The following RNF180 variants were observed in gnomAD, a reference collection of about 807,000 sequenced individuals.
RNF180 encodes the protein E3 ubiquitin-protein ligase RNF180.
Under a neutral mutation model 59.2 loss-of-function variants are expected in RNF180, and 38 were observed. That is an observed-to-expected ratio of 0.64 (90% confidence interval 0.50 to 0.84). RNF180 has a LOEUF of 0.84. Ranked by LOEUF, RNF180 falls within the 40% of genes least tolerant of loss-of-function variation. The pLI, the probability that RNF180 is intolerant of heterozygous loss-of-function variation, is 0.00. For missense variants in RNF180, 705 were observed against 700.9 expected, an observed-to-expected ratio of 1.01 and a Z score of -0.07; for synonymous variants, 262 against 240.3, an observed-to-expected ratio of 1.09 and a Z score of -0.84.
intron 2 of RNF180, among the ~76,000 whole-genome samples, chr5:64,211,674 C>T (rs1414620596): frequency 6.6e-5 from 10 of 152,142 alleles, no homozygotes. Context: ...AATAGAGCAA[C>T]TTTATTCTGT....
intron 1 of RNF180, among the ~76,000 whole-genome samples, chr5:64,187,268 A>G (rs1222700371): frequency 2.0e-5 from 3 of 152,204 alleles, no homozygotes; most frequent in Admixed American, 2.0e-4. Flanking sequence ...TACTGGTAGC[A>G]AGTACAATGA....
chr5:64,204,495 G>A (rs1028054737), intron 2 of RNF180, among the ~76,000 whole-genome samples: 1 of 152,068 alleles, frequency 6.6e-6, no homozygotes, highest in African/African-American at 2.4e-5. Context: ...TGTGTTTTCT[G>A]CAAAATGTCT....
At chr5:64,296,550 C>T (rs1742890696) in intron 5 of RNF180, among the ~76,000 whole-genome samples, 1 of 151,846 alleles carries the variant, frequency 6.6e-6, no homozygotes, top group African/African-American at 2.4e-5. Context: ...AAACTATGTG[C>T]ATTTTTCTAG....
rs184239597 is a variant in RNF180, at chr5:64,372,184, T to C, written c.*2370T>C. On this transcript the variant is annotated 3_prime_UTR_variant, in exon 8 of 8. Transcript: ENST00000389100. ...TAATTTTAAACATGTTCACACATTC[T>C]TTTTTAAAAAAATGCCCTAATTGAG... 5.7e-4 allele frequency: 87 copies of C among 151,772 alleles called. No homozygotes were observed. The highest frequency in any genetic ancestry group is 2.0e-3 in the African/African-American group (83 of 41,416). The allele number at this position is 151,772 out of a possible 1,614,324, so 9.4% of individuals were successfully genotyped here.
upstream of RNF180, among the ~76,000 whole-genome samples, chr5:64,165,516 G>A (rs1749574764): frequency 6.6e-6 from 1 of 152,244 alleles, no homozygotes; most frequent in Non-Finnish European, 1.5e-5. Flanking sequence ...CCAGTAGTTG[G>A]CTTGGATCTC....
chr5:64,303,313 G>A (rs1743255181), intron 5 of RNF180, among the ~76,000 whole-genome samples: 1 of 151,598 alleles, frequency 6.6e-6, no homozygotes, highest in African/African-American at 2.4e-5. Context: ...AAGTGTTCAT[G>A]TGAAAGGAAG....
chr5:64,228,552 T>C (rs1390676510), intron 5 of RNF180, among the ~76,000 whole-genome samples: 1 of 152,162 alleles, frequency 6.6e-6, no homozygotes, highest in South Asian at 2.1e-4. Flanking sequence ...AGCGTTGTTA[T>C]CTATGAAGGG....
chr5:64,236,756 C>T (rs1175235105), intron 5 of RNF180, among the ~76,000 whole-genome samples: 1 of 152,148 alleles, frequency 6.6e-6, no homozygotes, highest in Non-Finnish European at 1.5e-5. Context: ...GCCTTGATGT[C>T]CTGTGTCCCA....
intron 5 of RNF180, among the ~76,000 whole-genome samples, chr5:64,298,715 T>C (rs1359580475): frequency 6.6e-6 from 1 of 151,958 alleles, no homozygotes; most frequent in Non-Finnish European, 1.5e-5. Context: ...AAAACAAAAA[T>C]GGTTCAAGAA....
At chr5:64,351,492 G>T (rs892675251) in intron 7 of RNF180, among the ~76,000 whole-genome samples, 1 of 152,104 alleles carries the variant, frequency 6.6e-6, no homozygotes, top group Non-Finnish European at 1.5e-5. Flanking sequence ...AGTTTTCAAA[G>T]GGAATGCTTC....
chr5:64,192,779 G>A (rs1293223824), intron 1 of RNF180, among the ~76,000 whole-genome samples: 1 of 151,500 alleles, frequency 6.6e-6, no homozygotes, highest in Non-Finnish European at 1.5e-5. Context: ...AATAATTGAA[G>A]TAACAGTCTC....
chr5:64,295,661 AG>A (rs752034197), intron 5 of RNF180, among the ~76,000 whole-genome samples: 1 of 152,112 alleles, frequency 6.6e-6, no homozygotes, highest in African/African-American at 2.4e-5. Flanking sequence ...CTTTTGCCTC[AG>A]TTCTATTTCT....
chr5:64,168,931 G>C (rs537864606), intron 1 of RNF180, among the ~76,000 whole-genome samples: 105 of 152,262 alleles, frequency 6.9e-4, no homozygotes, highest in Middle Eastern at 3.4e-3. Flanking sequence ...CCTAGGCATG[G>C]CAGAATAGTT....
chr5:64,201,006 A>T, intron 2 of RNF180, 64 bp downstream of exon 2: 1 of 1,250,660 alleles, frequency 8.0e-7, no homozygotes, highest in Middle Eastern at 1.9e-4. Context: ...CTATCCACAC[A>T]CATGCACACT....
Position 64,217,489 on chromosome 5 carries a change from T to A in RNF180, c.1227+93T>A, listed in dbSNP as rs1752695037. 5 of 1,313,112 alleles carry A rather than the reference T, an allele frequency of 3.8e-6. No individual in the cohort carries two copies. The South Asian group carries it at 9.7e-5, about 25-fold the overall frequency. The allele number at this position is 1,313,112 out of a possible 1,614,324, so 81.3% of individuals were successfully genotyped here. ...TTCCAAGCAGCAAAGACTTCCATTTTCTGTGCGTCCTTGAAAGCAAGCACT... is the reference window on the plus strand; with the variant it reads ...TTCCAAGCAGCAAAGACTTCCATTTACTGTGCGTCCTTGAAAGCAAGCACT... On this transcript the variant is annotated intron_variant, in intron 5 of 7. Transcript: ENST00000389100.
chr5:64,326,340 T>G (rs1379387086), intron 6 of RNF180, among the ~76,000 whole-genome samples: 1 of 152,114 alleles, frequency 6.6e-6, no homozygotes, highest in Non-Finnish European at 1.5e-5. Context: ...TGGACAAATT[T>G]TAACTAAATC....
chr5:64,239,390 T>C (rs1161751164), intron 5 of RNF180, among the ~76,000 whole-genome samples: 1 of 152,216 alleles, frequency 6.6e-6, no homozygotes, highest in African/African-American at 2.4e-5. Context: ...ATAGACAGCT[T>C]ACTTTGCTCC....
chr5:64,236,939 A>G (rs1164957814), intron 5 of RNF180, among the ~76,000 whole-genome samples: 1 of 152,178 alleles, frequency 6.6e-6, no homozygotes, highest in Non-Finnish European at 1.5e-5. Context: ...ATATATGGAA[A>G]TGCCTGGATG....
chr5:64,210,692 C>A (rs1408754234), intron 2 of RNF180, among the ~76,000 whole-genome samples: 2 of 152,114 alleles, frequency 1.3e-5, no homozygotes, highest in African/African-American at 4.8e-5. Context: ...CTGAAGTACA[C>A]CTCTTCCTGC....
Sources: gnomAD v4.1 joint callset for allele counts (sites outside exome capture counted in the v4.1 genomes callset) on GRCh38, gnomAD v4.1.1 for gene constraint, MANE v1.5 for transcripts, NCBI Gene and HGNC (gene_info 2026-07-23, HGNC 2026-07-21) for gene names.